Variants in PRKN observed in about 807,000 individuals in gnomAD.
PRKN encodes E3 ubiquitin-protein ligase parkin.
A neutral mutation model predicts 59.5 loss-of-function variants in PRKN; 56 were observed. The observed-to-expected ratio is 0.94, with a 90% confidence interval of 0.76 to 1.18. The LOEUF (loss-of-function observed/expected upper bound fraction) is 1.18. PRKN is among the 50% of genes most tolerant of loss of function. PRKN has a pLI of 0.00. For synonymous variants in PRKN, 250 were observed against 222.1 expected, an observed-to-expected ratio of 1.13 and a Z score of -1.12; for missense variants, 657 against 596.4, an observed-to-expected ratio of 1.10 and a Z score of -1.06.
At chr6:161,792,573 T>C (rs1790681547) in intron 6 of PRKN, among the ~76,000 whole-genome samples, 1 of 152,232 alleles carries the variant, frequency 6.6e-6, no homozygotes, top group Non-Finnish European at 1.5e-5. Context: ...AAATATTACG[T>C]GCAAAATCCT....
intron 3 of PRKN, among the ~76,000 whole-genome samples, chr6:162,253,837 T>G (rs1231281719): frequency 6.7e-6 from 1 of 148,876 alleles, no homozygotes; most frequent in Non-Finnish European, 1.5e-5. Flanking sequence ...TCAAAAATCT[T>G]TTATTGGTAT....
intron 3 of PRKN, among the ~76,000 whole-genome samples, chr6:162,260,266 T>C (rs1779832721): frequency 6.6e-6 from 1 of 152,070 alleles, no homozygotes; most frequent in African/African-American, 2.4e-5. Context: ...GATCAGAGGT[T>C]AGATGTGACT....
chr6:162,667,751 G>A (rs2156258), intron 1 of PRKN, among the ~76,000 whole-genome samples: 95,439 of 151,960 alleles, frequency 0.63, 30,713 homozygotes, highest in African/African-American at 0.75. Context: ...TTGGAATCTC[G>A]ATTCACCACT....
intron 1 of PRKN, among the ~76,000 whole-genome samples, chr6:162,594,706 T>C (rs530843566): frequency 1.3e-5 from 2 of 152,340 alleles, no homozygotes; most frequent in African/African-American, 4.8e-5. Flanking sequence ...CATGCTCAAA[T>C]TGTTCCTATG....
At position 161,559,836 on chromosome 6, in the gene PRKN, A is replaced by T. The variant is rs1055124801; in HGVS notation, c.933+9519T>A. Among the ~76,000 whole-genome samples, 14 of 152,322 alleles carry T rather than the reference A, an allele frequency of 9.2e-5. No individual in the cohort carries two copies. In the East Asian group the frequency reaches 1.5e-3, roughly 17 times the overall value. ...ACTTGGATGAACCAAAATATTTTTT[A>T]AAATCATGTGGATTGTATTAGATGG... On this transcript the variant is annotated intron_variant, in intron 8 of 11. Transcript: ENST00000366898.
In PRKN at chr6:161,526,713, G is replaced by A. The variant is rs944129780; in HGVS notation, c.1083+22141C>T. ...CAAATGTTTGCTAAGCACTGTAGGGGACAGAAAAGACTTTCTTTATCCTCT... is the reference window on the plus strand; with the variant it reads ...CAAATGTTTGCTAAGCACTGTAGGGAACAGAAAAGACTTTCTTTATCCTCT... On this transcript the variant is annotated intron_variant, in intron 9 of 11. Coordinates refer to ENST00000366898, the MANE Select transcript of PRKN (RefSeq NM_004562.3). This position sits in a 1 kb window ranked among gnomAD's most constrained non-coding sequence, Gnocchi z 4.1. Among the ~76,000 whole-genome samples the A allele has an allele frequency of 6.6e-6, 1 of 152,044 alleles. No homozygotes were observed. The highest frequency in any genetic ancestry group is 1.5e-5 in the Non-Finnish European group (1 of 67,990).
intron 1 of PRKN, among the ~76,000 whole-genome samples, chr6:162,562,142 G>T (rs1779871753): frequency 6.6e-6 from 1 of 152,108 alleles, no homozygotes; most frequent in South Asian, 2.1e-4. Flanking sequence ...TGAATTGTGA[G>T]GCCTCTGTTC....
intron 4 of PRKN, among the ~76,000 whole-genome samples, chr6:162,160,464 T>C (rs1381474036): frequency 6.6e-6 from 1 of 152,142 alleles, no homozygotes; most frequent in African/African-American, 2.4e-5. Flanking sequence ...GTTCTGGACA[T>C]GTTCATTATG....
chr6:162,328,347 AGAGT>A (rs1366399366), intron 2 of PRKN, among the ~76,000 whole-genome samples: 6 of 152,180 alleles, frequency 3.9e-5, no homozygotes, highest in Non-Finnish European at 7.3e-5. Context: ...GCCTGGCAAC[AGAGT>A]GAGATTCCGT....
At chr6:161,999,858 A>G (rs1375533387) in intron 5 of PRKN, among the ~76,000 whole-genome samples, 3 of 152,142 alleles carry the variant, frequency 2.0e-5, no homozygotes, top group Non-Finnish European at 4.4e-5. Context: ...AGCAATAACA[A>G]TAATAATAAA....
rs529364471 is a variant in PRKN at position 161,360,768 on chromosome 6, G to A, written c.1168-563C>T. ...AGGAGCAAGAACAGGAAATGAAGTC[G>A]ATGTGCCAGAGAGGGCAGTGGGAGC... On this transcript the variant is annotated intron_variant, in intron 10 of 11. Coordinates refer to ENST00000366898, the MANE Select transcript of PRKN (RefSeq NM_004562.3). This position sits in a 1 kb window ranked among gnomAD's most constrained non-coding sequence, Gnocchi z 5.1. Among the ~76,000 whole-genome samples, 4 of 152,342 alleles carry A rather than the reference G, an allele frequency of 2.6e-5. No homozygotes were observed. The highest frequency in any genetic ancestry group is 7.2e-5 in the African/African-American group (3 of 41,576).
intron 7 of PRKN, among the ~76,000 whole-genome samples, chr6:161,665,355 T>G (rs1784689661): frequency 6.6e-6 from 1 of 152,178 alleles, no homozygotes; most frequent in Non-Finnish European, 1.5e-5. Flanking sequence ...CCAAACAAAC[T>G]CAACCTATGA....
chr6:161,478,279 T>G (rs184029102), intron 9 of PRKN, among the ~76,000 whole-genome samples: 46 of 152,300 alleles, frequency 3.0e-4, no homozygotes, highest in Admixed American at 1.0e-3. Context: ...ATGCTATAGT[T>G]CCACAATTAT....
intron 6 of PRKN, among the ~76,000 whole-genome samples, chr6:161,836,941 G>C (rs534034775): frequency 3.3e-5 from 5 of 152,288 alleles, no homozygotes; most frequent in African/African-American, 1.2e-4. Flanking sequence ...GTTTGCATTT[G>C]GCTCACCTTG....
At chr6:162,185,750 A>C (rs1306506255) in intron 4 of PRKN, among the ~76,000 whole-genome samples, 3 of 152,202 alleles carry the variant, frequency 2.0e-5, no homozygotes, top group Admixed American at 1.3e-4. Context: ...AGCGGCATCC[A>C]TGGCCTCAAC....
chr6:162,529,909 C>T (rs745348048), intron 1 of PRKN, among the ~76,000 whole-genome samples: 13 of 152,144 alleles, frequency 8.5e-5, no homozygotes, highest in Non-Finnish European at 1.0e-4. Flanking sequence ...GCAGGCAGAT[C>T]ACCCGAGGTC....
At position 161,582,154 on chromosome 6, in the gene PRKN, C is replaced by G. The variant is rs1781362524; in HGVS notation, c.872-12738G>C. 6.6e-6 allele frequency among the ~76,000 whole-genome samples: 1 copy of G among 152,120 alleles called. No homozygotes were observed. The highest frequency in any genetic ancestry group is 1.5e-5 in the Non-Finnish European group (1 of 68,042). ...GTGCATTTTCTAAATGGCTCTCTGGCTCACAGAAAGTAACAGTTTTAAAGG... is the reference window on the plus strand; with the variant it reads ...GTGCATTTTCTAAATGGCTCTCTGGGTCACAGAAAGTAACAGTTTTAAAGG... On this transcript the variant is annotated intron_variant, in intron 7 of 11. Transcript: ENST00000366898. This position sits in a 1 kb window ranked among gnomAD's most constrained non-coding sequence, Gnocchi z 4.4.
rs572690152 is a variant in PRKN at position 161,743,493 on chromosome 6, C to T, written c.871+42279G>A. Reference sequence around the variant, plus strand: ...CTCGATCTCCTGACCTTGTGATCCGCCTGCCTCGGCCTCCCAAAGTGCTGG... The same window carrying T: ...CTCGATCTCCTGACCTTGTGATCCGTCTGCCTCGGCCTCCCAAAGTGCTGG... On this transcript the variant is annotated intron_variant, in intron 7 of 11. Transcript: ENST00000366898. 3.3e-5 allele frequency among the ~76,000 whole-genome samples: 5 copies of T among 151,998 alleles called. 1 individual carries two copies. In the South Asian group the frequency reaches 1.0e-3, roughly 32 times the overall value.
At chr6:161,761,029 A>C (rs1479468370) in intron 7 of PRKN, among the ~76,000 whole-genome samples, 1 of 152,214 alleles carries the variant, frequency 6.6e-6, no homozygotes, top group East Asian at 1.9e-4. Context: ...CTGCCGTAAA[A>C]TAGAGGCCAA....
Sources: gnomAD v4.1 joint callset for allele counts (sites outside exome capture counted in the v4.1 genomes callset) on GRCh38, gnomAD v4.1.1 for gene constraint, Gnocchi (gnomAD v3.1) non-coding constraint, MANE v1.5 for transcripts, NCBI Gene and HGNC (gene_info 2026-07-23, HGNC 2026-07-21) for gene names.